PTPRD: variants seen among roughly 807,000 people sequenced by gnomAD.
PTPRD encodes the protein protein tyrosine phosphatase receptor type D.
PTPRD carries 34 observed loss-of-function variants against 214.5 expected under a neutral mutation model. That is an observed-to-expected ratio of 0.16 (90% CI 0.12 to 0.21). PTPRD has a LOEUF of 0.21. PTPRD is among the 10% of genes least tolerant of loss of function. The probability of loss-of-function intolerance (pLI) is 1.00; values close to 1 mark genes in which losing one functional copy is unlikely to be tolerated. For synonymous variants in PTPRD, 1,128 were observed against 845.7 expected (o/e 1.33, Z -5.79); for missense variants, 2,545 against 2,398.7 (o/e 1.06, Z -1.27).
At chr9:10,213,404 A>T (rs139869149) in intron 3 of PTPRD, among the ~76,000 whole-genome samples, 1 of 152,108 alleles carries the variant, frequency 6.6e-6, no homozygotes, top group Non-Finnish European at 1.5e-5. Flanking sequence ...ACCAAGGCTT[A>T]TAAGAAGCAT....
chr9:8,373,537 T>C (rs1588962722), intron 39 of PTPRD, among the ~76,000 whole-genome samples: 1 of 151,914 alleles, frequency 6.6e-6, no homozygotes, highest in African/African-American at 2.4e-5. Context: ...ACATTCATCT[T>C]TGTTTCCTTA....
intron 3 of PTPRD, among the ~76,000 whole-genome samples, chr9:10,191,638 C>T (rs981347261): frequency 1.3e-5 from 2 of 152,088 alleles, no homozygotes; most frequent in Non-Finnish European, 2.9e-5. Context: ...CTCTTTCCCC[C>T]AAATGTCCAT....
intron 11 of PTPRD, among the ~76,000 whole-genome samples, chr9:8,995,020 C>T (rs747691155): frequency 1.3e-5 from 2 of 151,852 alleles, no homozygotes; most frequent in Non-Finnish European, 2.9e-5. Flanking sequence ...GACATAAGAG[C>T]AAGTAAAGGA....
intron 10 of PTPRD, among the ~76,000 whole-genome samples, chr9:9,049,577 C>G (rs765064890): frequency 2.3e-4 from 34 of 149,806 alleles, no homozygotes; most frequent in Non-Finnish European, 4.6e-4. Context: ...TTCAAAAAGT[C>G]ATTTTTTTTT....
intron 10 of PTPRD, among the ~76,000 whole-genome samples, chr9:9,163,437 T>C (rs1413740616): frequency 1.3e-5 from 2 of 152,046 alleles, no homozygotes; most frequent in Admixed American, 1.3e-4. Context: ...ATCTAGTAAA[T>C]CATCAAGTAA....
chr9:8,651,000 T>A (rs2096796043), intron 12 of PTPRD, among the ~76,000 whole-genome samples: 1 of 152,124 alleles, frequency 6.6e-6, no homozygotes, highest in Non-Finnish European at 1.5e-5. Flanking sequence ...ACCAATAACA[T>A]TTTGTAGGAT....
chr9:10,031,647 T>TATATATACACACACACACAC, intron 4 of PTPRD, among the ~76,000 whole-genome samples: 7 of 89,622 alleles, frequency 7.8e-5, no homozygotes, highest in African/African-American at 4.1e-4. Flanking sequence ...TATATATATA[T>TATATATACACACACACACAC]ACACACACAC....
chr9:10,333,159 CAG>C (rs2096782006), intron 3 of PTPRD, among the ~76,000 whole-genome samples: 1 of 151,666 alleles, frequency 6.6e-6, no homozygotes, highest in East Asian at 1.9e-4. Flanking sequence ...TGGAGAGAAA[CAG>C]AGGCATGGAA....
intron 10 of PTPRD, among the ~76,000 whole-genome samples, chr9:9,019,775 T>C (rs534811366): frequency 1.8e-4 from 27 of 152,136 alleles, no homozygotes; most frequent in African/African-American, 2.4e-4. Flanking sequence ...AAGATACAAG[T>C]CCATGAAAGT....
intron 7 of PTPRD, among the ~76,000 whole-genome samples, chr9:9,652,927 T>G (rs946704520): frequency 9.2e-5 from 14 of 152,178 alleles, no homozygotes; most frequent in African/African-American, 3.4e-4. Context: ...AATATACCAC[T>G]TTTAAAGTGC....
At chr9:8,667,012 A>AAAAT (rs2097183572) in intron 12 of PTPRD, among the ~76,000 whole-genome samples, 1 of 152,184 alleles carries the variant, frequency 6.6e-6, no homozygotes, top group Non-Finnish European at 1.5e-5. Flanking sequence ...AATTATACAC[A>AAAAT]AAAATAAAGG....
intron 12 of PTPRD, among the ~76,000 whole-genome samples, chr9:8,661,411 G>C (rs1036693267): frequency 2.0e-5 from 3 of 151,908 alleles, no homozygotes; most frequent in Non-Finnish European, 2.9e-5. Flanking sequence ...TCCACATCTA[G>C]TATCAAGGCA....
chr9:9,133,677 T>C (rs999072952), intron 10 of PTPRD, among the ~76,000 whole-genome samples: 5 of 152,162 alleles, frequency 3.3e-5, no homozygotes, highest in African/African-American at 1.2e-4. Flanking sequence ...AGAAGCATTG[T>C]TCGGTTACTG....
rs796867777 is a variant in PTPRD, at chr9:10,060,803, C to CCTTTCTTTCTTTCTTTCTTTCTTT, written c.-544-27037_-544-27014dup. 1.9e-5 allele frequency among the ~76,000 whole-genome samples: 2 copies of CCTTTCTTTCTTTCTTTCTTTCTTT among 103,256 alleles called. 1 individual carries two copies. The highest frequency in any genetic ancestry group is 2.1e-4 in the African/African-American group (2 of 9,632). The allele number at this position is 103,256 out of a possible 152,430, so 67.7% of individuals were successfully genotyped here. Reference sequence around the variant, plus strand: ...TTCTTTCTTTCTTTCTTTCTTTCTTCCTTTCTTTCTTTCTTTCTTTCTTTC... The same window carrying CCTTTCTTTCTTTCTTTCTTTCTTT: ...TTCTTTCTTTCTTTCTTTCTTTCTTCCTTTCTTTCTTTCTTTCTTTCTTTCTTTCTTTCTTTCTTTCTTTCTTTC... On this transcript the variant is annotated intron_variant, in intron 3 of 45. Coordinates refer to ENST00000381196, the MANE Select transcript of PTPRD (RefSeq NM_002839.4).
chr9:9,491,042 G>A (rs920359516), intron 8 of PTPRD, among the ~76,000 whole-genome samples: 2 of 151,746 alleles, frequency 1.3e-5, no homozygotes, highest in Non-Finnish European at 2.9e-5. Context: ...ATTATACACT[G>A]TATATAAGAG....
chr9:10,365,319 C>T (rs966986595), intron 2 of PTPRD, among the ~76,000 whole-genome samples: 5 of 152,180 alleles, frequency 3.3e-5, no homozygotes, highest in Admixed American at 1.3e-4. Context: ...ACATTGCTAA[C>T]GTAACCCCTG....
At chr9:9,885,270 C>G in intron 5 of PTPRD, among the ~76,000 whole-genome samples, 1 of 151,824 alleles carries the variant, frequency 6.6e-6, no homozygotes, top group Non-Finnish European at 1.5e-5. Flanking sequence ...CAGAAGAGTC[C>G]TTTCAACAAG....
rs71317396 is a variant in PTPRD, at chr9:9,030,276, C to CTTTTTTTTTTTTTTTTTTTTTTTTTTT, written c.-142-11568_-142-11542dup. ...TTGGATCACATGGGCCACACTTGGG[C>CTTTTTTTTTTTTTTTTTTTTTTTTTTT]TTTTTTTTTTTTTTTTTTTTTTTTT... is the stretch of plus-strand genomic sequence containing the variant. On this transcript the variant is annotated intron_variant, in intron 10 of 45. Coordinates refer to ENST00000381196, the MANE Select transcript of PTPRD (RefSeq NM_002839.4). Among the ~76,000 whole-genome samples, 2 of 37,920 alleles carry CTTTTTTTTTTTTTTTTTTTTTTTTTTT rather than the reference C, an allele frequency of 5.3e-5. 1 individual carries two copies. Among genetic ancestry groups the CTTTTTTTTTTTTTTTTTTTTTTTTTTT allele is most frequent in the African/African-American group, 2.2e-4 (2 of 9,202 alleles). The allele number at this position is 37,920 out of a possible 152,430, so 24.9% of individuals were successfully genotyped here.
chr9:10,592,690 A>C (rs1312953718), intron 2 of PTPRD, among the ~76,000 whole-genome samples: 1 of 152,036 alleles, frequency 6.6e-6, no homozygotes, highest in Non-Finnish European at 1.5e-5. Flanking sequence ...TGCACAAATC[A>C]GAGCTCTGTA....
Sources: gnomAD v4.1 joint callset for allele counts (sites outside exome capture counted in the v4.1 genomes callset) on GRCh38, gnomAD v4.1.1 for gene constraint, MANE v1.5 for transcripts, NCBI Gene and HGNC (gene_info 2026-07-23, HGNC 2026-07-21) for gene names.